The following SGCZ variants were observed in gnomAD, a reference collection of about 807,000 sequenced individuals.
SGCZ encodes sarcoglycan zeta, also known as zeta-sarcoglycan.
In SGCZ, 40 loss-of-function variants were observed where a neutral mutation model predicts 41.3. The ratio of observed to expected loss-of-function variants is 0.97; its 90% confidence interval spans 0.75 to 1.26. The LOEUF (loss-of-function observed/expected upper bound fraction) is 1.26, where lower values mean the gene tolerates loss of function less well. Among genes scored for constraint, SGCZ ranks in the 50% most tolerant of loss-of-function variants. SGCZ has a pLI of 0.00. For missense variants in SGCZ, 552 were observed against 369.8 expected (o/e 1.49, Z -4.04); for synonymous variants, 206 against 137.5 (o/e 1.50, Z -3.49).
chr8:14,722,084 CTGTT>C (rs1426930349), intron 1 of SGCZ, among the ~76,000 whole-genome samples: 2 of 152,188 alleles, frequency 1.3e-5, no homozygotes, highest in East Asian at 1.9e-4. Flanking sequence ...AATCTCAACT[CTGTT>C]TGTCTTGCTT....
At chr8:15,049,107 CACAATCGTGAAT>C (rs1804421441) in intron 1 of SGCZ, among the ~76,000 whole-genome samples, 1 of 152,126 alleles carries the variant, frequency 6.6e-6, no homozygotes, top group South Asian at 2.1e-4. Context: ...ACAATGGAGC[CACAATCGTGAAT>C]ATAAAGGATA....
intron 1 of SGCZ, among the ~76,000 whole-genome samples, chr8:14,727,933 T>C (rs1810111650): frequency 6.6e-6 from 1 of 152,316 alleles, no homozygotes; most frequent in African/African-American, 2.4e-5. Flanking sequence ...GAGTAAACTA[T>C]AGACACATGC....
rs555331538 is a variant in SGCZ at position 14,921,365 on chromosome 8, A to G, written c.39+316220T>C. Among the ~76,000 whole-genome samples the G allele has an allele frequency of 7.2e-5, 11 of 152,296 alleles. No homozygotes were observed. In the South Asian group the frequency reaches 1.7e-3, roughly 23 times the overall value. On this transcript the variant is annotated intron_variant, in intron 1 of 7. Transcript: ENST00000382080. ...TTGAGTTCAAATATCAGTTCCTCAC[A>G]ATCTGTGTGATTTCAGGCAACTTCT...
intron 1 of SGCZ, among the ~76,000 whole-genome samples, chr8:15,037,303 A>G (rs1327655989): frequency 6.6e-6 from 1 of 152,150 alleles, no homozygotes; most frequent in Non-Finnish European, 1.5e-5. Flanking sequence ...GGCTTTCCCC[A>G]CCTTGTTTGG....
chr8:14,291,328 A>C (rs1800833949), intron 3 of SGCZ, among the ~76,000 whole-genome samples: 2 of 142,350 alleles, frequency 1.4e-5, no homozygotes, highest in East Asian at 4.3e-4. Context: ...AGAAATGATA[A>C]ATTTTTAAGG....
At chr8:14,147,009 G>A (rs942810716) in intron 5 of SGCZ, among the ~76,000 whole-genome samples, 2 of 151,244 alleles carry the variant, frequency 1.3e-5, no homozygotes, top group African/African-American at 4.9e-5. Flanking sequence ...TTAGAGTTTT[G>A]AGTAGTTTTC....
intron 1 of SGCZ, among the ~76,000 whole-genome samples, chr8:15,194,813 C>T (rs541130511): frequency 2.6e-5 from 4 of 151,478 alleles, no homozygotes; most frequent in African/African-American, 7.3e-5. Context: ...CCGATTTTAG[C>T]CAAATGAAAC....
At chr8:14,709,719 C>T (rs950626819) in intron 1 of SGCZ, among the ~76,000 whole-genome samples, 3 of 151,898 alleles carry the variant, frequency 2.0e-5, no homozygotes, top group Admixed American at 6.6e-5. Context: ...ACTAAATCTT[C>T]GTGAAGTCGA....
In SGCZ at chr8:14,237,002, T is replaced by C. The variant is rs552066148; in HGVS notation, c.424+590A>G. Among the ~76,000 whole-genome samples the C allele has an allele frequency of 1.7e-3, 257 of 152,180 alleles. 1 individual carries two copies. The highest frequency in any genetic ancestry group is 5.7e-3 in the African/African-American group (238 of 41,558). ...CAAATATAGAAGTAATTGATAAATG[T>C]TAATATTTATTATACTCATGCAATT... On this transcript the variant is annotated intron_variant, in intron 4 of 7. Transcript: ENST00000382080.
At chr8:14,830,059 C>G (rs1802474559) in intron 1 of SGCZ, among the ~76,000 whole-genome samples, 1 of 152,200 alleles carries the variant, frequency 6.6e-6, no homozygotes, top group Non-Finnish European at 1.5e-5. Flanking sequence ...ATCTGCACGC[C>G]TTGGCCTCCC....
chr8:15,031,877 C>T (rs1435887855), intron 1 of SGCZ, among the ~76,000 whole-genome samples: 2 of 149,182 alleles, frequency 1.3e-5, no homozygotes, highest in African/African-American at 2.5e-5. Context: ...ACTCTATACT[C>T]TCTATATTCT....
chr8:15,036,417 G>C (rs1248514594), intron 1 of SGCZ, among the ~76,000 whole-genome samples: 2 of 152,088 alleles, frequency 1.3e-5, no homozygotes, highest in Admixed American at 6.6e-5. Flanking sequence ...GTATAGAGTT[G>C]GAGGAGGGAG....
intron 1 of SGCZ, among the ~76,000 whole-genome samples, chr8:15,038,683 G>C (rs569849315): frequency 3.3e-5 from 5 of 151,594 alleles, no homozygotes; most frequent in African/African-American, 7.3e-5. Flanking sequence ...CCAGAGAATG[G>C]TAAGAAAAAA....
At chr8:14,111,448 A>G (rs116405270) in intron 5 of SGCZ, among the ~76,000 whole-genome samples, 3,125 of 152,250 alleles carry the variant, frequency 0.021, 37 homozygotes, top group Middle Eastern at 0.078. Context: ...CATAGAAACA[A>G]AAAAGAAGGA....
At chr8:14,330,061 GA>G (rs1802259008) in intron 2 of SGCZ, among the ~76,000 whole-genome samples, 1 of 152,048 alleles carries the variant, frequency 6.6e-6, no homozygotes, top group African/African-American at 2.4e-5. Context: ...AGAAGGCCAT[GA>G]TTAATATCCT....
chr8:14,717,996 G>GATTATATATATATATAT (rs1809747336), intron 1 of SGCZ, among the ~76,000 whole-genome samples: 1 of 144,920 alleles, frequency 6.9e-6, no homozygotes, highest in African/African-American at 2.7e-5. Flanking sequence ...TCTAAAATAA[G>GATTATATATATATATAT]ATATATATAT....
intron 1 of SGCZ, among the ~76,000 whole-genome samples, chr8:14,585,070 A>G (rs981918520): frequency 6.6e-6 from 1 of 152,168 alleles, no homozygotes; most frequent in Non-Finnish European, 1.5e-5. Flanking sequence ...TCACAGAATA[A>G]ATGTGAAGTA....
At chr8:14,326,082 A>G (rs891990901) in intron 2 of SGCZ, among the ~76,000 whole-genome samples, 1 of 130,466 alleles carries the variant, frequency 7.7e-6, no homozygotes, top group Non-Finnish European at 1.6e-5. Context: ...ACTGAACTCC[A>G]GCCTGGGCGA....
intron 2 of SGCZ, among the ~76,000 whole-genome samples, chr8:14,403,596 G>A (rs1799135409): frequency 1.3e-5 from 2 of 151,940 alleles, no homozygotes; most frequent in African/African-American, 4.8e-5. Flanking sequence ...TACATTTATT[G>A]ATTCGCGTAT....
Sources: allele counts gnomAD v4.1 joint callset (sites outside exome capture counted in the v4.1 genomes callset), GRCh38; gene constraint gnomAD v4.1.1; transcripts MANE v1.5; gene names NCBI Gene and HGNC (gene_info 2026-07-23, HGNC 2026-07-21).